The following EFCAB6 variants were observed in gnomAD, a reference collection of about 807,000 sequenced individuals.
EFCAB6 encodes EF-hand calcium-binding domain-containing protein 6.
Under a neutral mutation model 169.8 loss-of-function variants are expected in EFCAB6, and 156 were observed. The observed-to-expected ratio is 0.92, with a 90% CI of 0.81 to 1.05. The LOEUF (loss-of-function observed/expected upper bound fraction) is 1.05, where lower values mean the gene tolerates loss of function less well. Ranked by LOEUF, EFCAB6 falls within the 50% of genes least tolerant of loss-of-function variation. The pLI is 0.00. For synonymous variants in EFCAB6, 698 were observed against 676.4 expected, an observed-to-expected ratio of 1.03 and a Z score of -0.50; for missense variants, 1,800 against 1,829.1, an observed-to-expected ratio of 0.98 and a Z score of 0.29.
intron 27 of EFCAB6, chr22:43,554,578 C>T: frequency 2.4e-6 from 1 of 424,650 alleles, no homozygotes; most frequent in Non-Finnish European, 4.3e-6. Context: ...ACCACATTAC[C>T]TCCGGGATGC....
chr22:43,682,256 G>T (rs893718610), intron 12 of EFCAB6, among the ~76,000 whole-genome samples: 43 of 152,164 alleles, frequency 2.8e-4, no homozygotes, highest in African/African-American at 9.4e-4. Flanking sequence ...GAGCTTATCG[G>T]CAAGGACTTA....
rs978224540 is a variant in EFCAB6, at chr22:43,669,184, C to T, written c.1641-139G>A. 3 of 671,660 alleles carry T rather than the reference C, an allele frequency of 4.5e-6. No homozygotes were observed. In the Admixed American group the frequency reaches 1.1e-4, roughly 25 times the overall value. 41.6% of individuals were successfully genotyped at this position (671,660 alleles called of 1,614,324 possible). On this transcript the variant is annotated intron_variant, in intron 15 of 31. Coordinates refer to ENST00000262726, the MANE Select transcript of EFCAB6 (RefSeq NM_022785.4). ...GTGGGAATGTAAAATGGTACAACCA[C>T]TCCATTCTTAGGCATTTACCAAAGA...
chr22:43,569,625 C>T (rs892221809), intron 26 of EFCAB6, among the ~76,000 whole-genome samples: 5 of 152,186 alleles, frequency 3.3e-5, no homozygotes, highest in South Asian at 2.1e-4. Context: ...TCTGCCTTAG[C>T]GTGGCACAGG....
chr22:43,687,640 A>C (rs2058255098), intron 10 of EFCAB6, 59 bp from the exon 11 acceptor site: 1 of 995,388 alleles, frequency 1.0e-6, no homozygotes. Flanking sequence ...ATAACACTGC[A>C]TGGATTAGGT....
In EFCAB6 at chr22:43,763,189, C is replaced by A. The variant is rs962765206; in HGVS notation, c.440+2116G>T. On this transcript the variant is annotated intron_variant, in intron 5 of 31. Transcript: ENST00000262726. The stretch of plus-strand genomic sequence containing the variant: ...GAGTCGCTGGGATTACAGGCACGCA[C>A]CACCACACCCAACTAATTTTTGTAT... Among the ~76,000 whole-genome samples the A allele has an allele frequency of 3.9e-5, 6 of 152,246 alleles. No homozygotes were observed. The South Asian group carries it at 8.3e-4, about 21-fold the overall frequency.
chr22:43,675,455 T>TGATATA (rs1556032182), intron 13 of EFCAB6, among the ~76,000 whole-genome samples: 2 of 100,114 alleles, frequency 2.0e-5, no homozygotes, highest in African/African-American at 7.3e-5. Context: ...TAGTATAATA[T>TGATATA]ATGATATAAT....
At chr22:43,733,146 C>T (rs1337796839) in intron 7 of EFCAB6, among the ~76,000 whole-genome samples, 1 of 152,110 alleles carries the variant, frequency 6.6e-6, no homozygotes, top group African/African-American at 2.4e-5. Context: ...CAGATGTTAA[C>T]AGTGAAACTC....
chr22:43,780,769 T>A (rs2061796950), intron 3 of EFCAB6, among the ~76,000 whole-genome samples: 1 of 152,218 alleles, frequency 6.6e-6, no homozygotes, highest in Non-Finnish European at 1.5e-5. Flanking sequence ...GTCTCTATTT[T>A]GCAGGCTCCC....
chr22:43,667,037 G>A, intron 17 of EFCAB6, 67 bp downstream of exon 17: 1 of 1,534,852 alleles, frequency 6.5e-7, no homozygotes, highest in Admixed American at 1.9e-5. Context: ...GTCCTTTAAA[G>A]TATGTTAGTA....
chr22:43,679,642 A>T (rs554307587), intron 12 of EFCAB6, among the ~76,000 whole-genome samples: 1 of 152,186 alleles, frequency 6.6e-6, no homozygotes, highest in African/African-American at 2.4e-5. Context: ...CCTTGTCAAC[A>T]CTTATTATTG....
chr22:43,618,210 GAAAGAAAGAAAGA>G (rs1569257376), intron 20 of EFCAB6, among the ~76,000 whole-genome samples: 1,628 of 140,866 alleles, frequency 0.012, 57 homozygotes, highest in Middle Eastern at 0.025. Flanking sequence ...AAGAAAGAAA[GAAAGAAAGAAAGA>G]GAAAGAAAGA....
intron 19 of EFCAB6, among the ~76,000 whole-genome samples, chr22:43,631,707 C>A (rs1569282801): frequency 6.6e-6 from 1 of 152,020 alleles, no homozygotes; most frequent in Non-Finnish European, 1.5e-5. Context: ...TAGCTTTCAT[C>A]CCCAGCATTT....
At chr22:43,644,135 C>T (rs576321936) in intron 17 of EFCAB6, among the ~76,000 whole-genome samples, 341 of 152,192 alleles carry the variant, frequency 2.2e-3, no homozygotes, top group Non-Finnish European at 3.2e-3. Context: ...GGGCTTGGCT[C>T]CCAAATGCAG....
At chr22:43,575,803 G>A (rs542706450) in intron 26 of EFCAB6, among the ~76,000 whole-genome samples, 19 of 152,138 alleles carry the variant, frequency 1.2e-4, no homozygotes, top group African/African-American at 2.4e-4. Flanking sequence ...CTGTGCCAAG[G>A]CCTCATCTCT....
At chr22:43,557,593 T>A (rs1045241530) in intron 26 of EFCAB6, among the ~76,000 whole-genome samples, 1 of 152,186 alleles carries the variant, frequency 6.6e-6, no homozygotes, top group Non-Finnish European at 1.5e-5. Flanking sequence ...GCAAGCTGTA[T>A]GGAACCCTTA....
At chr22:43,620,180 G>A (rs181723699) in intron 20 of EFCAB6, among the ~76,000 whole-genome samples, 13 of 152,190 alleles carry the variant, frequency 8.5e-5, no homozygotes, top group Admixed American at 3.9e-4. Context: ...AGGCATGATG[G>A]TGCTCACCTG....
chr22:43,584,413 T>C (rs988184411), intron 24 of EFCAB6, among the ~76,000 whole-genome samples: 2 of 152,156 alleles, frequency 1.3e-5, no homozygotes, highest in South Asian at 2.1e-4. Flanking sequence ...TAAGAAATTC[T>C]GGGGGCCCAG....
At chr22:43,611,783 G>A (rs2053325389) in intron 21 of EFCAB6, among the ~76,000 whole-genome samples, 1 of 152,184 alleles carries the variant, frequency 6.6e-6, no homozygotes, top group Non-Finnish European at 1.5e-5. Flanking sequence ...GGGTGACAGA[G>A]TGAGACCCTG....
chr22:43,804,916 A>G lies in EFCAB6; in HGVS notation c.-8+4079T>C, dbSNP rs140571129. Among the ~76,000 whole-genome samples, 743 of 152,314 alleles carry G rather than the reference A, an allele frequency of 4.9e-3. 8 individuals are homozygous for G. Among genetic ancestry groups the G allele is most frequent in the African/African-American group, 0.017 (708 of 41,572 alleles). On this transcript the variant is annotated intron_variant, in intron 2 of 31. Coordinates refer to ENST00000262726, the MANE Select transcript of EFCAB6 (RefSeq NM_022785.4). ...AAAGAGAGAAGACCCAAGTTGGAAGAGAAGAAGTCAAATTAGCCTTGTTCA... is the reference window on the plus strand; with the variant it reads ...AAAGAGAGAAGACCCAAGTTGGAAGGGAAGAAGTCAAATTAGCCTTGTTCA...
Sources: gnomAD v4.1 joint callset for allele counts (sites outside exome capture counted in the v4.1 genomes callset) on GRCh38, gnomAD v4.1.1 for gene constraint, MANE v1.5 for transcripts, NCBI Gene and HGNC (gene_info 2026-07-23, HGNC 2026-07-21) for gene names.